The following MCU variants were observed in gnomAD, a reference collection of about 807,000 sequenced individuals.
The protein encoded by MCU is mitochondrial calcium uniporter.
Under a neutral mutation model 45.2 loss-of-function variants are expected in MCU, and 12 were observed. The ratio of observed to expected loss-of-function variants is 0.27; its 90% CI spans 0.17 to 0.43. The LOEUF is 0.43. MCU is among the 20% of genes least tolerant of loss of function. MCU has a pLI of 1.00. For synonymous variants in MCU, 160 were observed against 165.1 expected (o/e 0.97, Z 0.24); for missense variants, 324 against 436.7 (o/e 0.74, Z 2.30).
intron 2 of MCU, among the ~76,000 whole-genome samples, chr10:72,836,438 A>G (rs1311709312): frequency 6.6e-6 from 1 of 152,132 alleles, no homozygotes; most frequent in Non-Finnish European, 1.5e-5. Flanking sequence ...ATATCTATAT[A>G]TAGGCTGTGT....
intron 1 of MCU, among the ~76,000 whole-genome samples, chr10:72,817,584 A>G (rs1248663317): frequency 6.6e-6 from 1 of 152,172 alleles, no homozygotes; most frequent in African/African-American, 2.4e-5. Context: ...TCCTGTTTTT[A>G]AAGGGCTTAC....
At chr10:72,696,185 A>ATTTTT (rs1554818423) in intron 1 of MCU, among the ~76,000 whole-genome samples, 2 of 109,988 alleles carry the variant, frequency 1.8e-5, no homozygotes, top group African/African-American at 3.5e-5. Context: ...AAAAAAAAAA[A>ATTTTT]TTTTTTTTTT....
intron 1 of MCU, among the ~76,000 whole-genome samples, chr10:72,705,452 T>C: frequency 1.3e-5 from 2 of 149,654 alleles, no homozygotes; most frequent in African/African-American, 4.9e-5. Context: ...GAGGCTGAGG[T>C]GGGTGGATCA....
At chr10:72,814,398 T>C (rs760723530) in intron 1 of MCU, among the ~76,000 whole-genome samples, 6 of 152,172 alleles carry the variant, frequency 3.9e-5, no homozygotes, top group Non-Finnish European at 8.8e-5. Flanking sequence ...TTTTTTAATA[T>C]ATCTTTCATT....
intron 1 of MCU, among the ~76,000 whole-genome samples, chr10:72,819,344 A>G (rs1448679161): frequency 3.3e-5 from 5 of 152,318 alleles, no homozygotes; most frequent in East Asian, 3.9e-4. Context: ...TACAATCAAG[A>G]CACAACTTGT....
chr10:72,846,963 G>A (rs920652213), intron 2 of MCU, among the ~76,000 whole-genome samples: 2 of 152,204 alleles, frequency 1.3e-5, no homozygotes, highest in African/African-American at 2.4e-5. Flanking sequence ...AGCTTTAGAT[G>A]TCAGTGTATT....
chr10:72,828,580 C>G (rs941118284), intron 1 of MCU, among the ~76,000 whole-genome samples: 3 of 152,000 alleles, frequency 2.0e-5, no homozygotes, highest in African/African-American at 7.2e-5. Flanking sequence ...TTAGATTTGA[C>G]AATCCTCCCA....
At chr10:72,819,503 G>A (rs527769405) in intron 1 of MCU, among the ~76,000 whole-genome samples, 1 of 152,202 alleles carries the variant, frequency 6.6e-6, no homozygotes, top group African/African-American at 2.4e-5. Context: ...TATAAAGCAA[G>A]GGGAAAGTTT....
chr10:72,808,377 A>G (rs190040199), intron 1 of MCU, among the ~76,000 whole-genome samples: 1 of 152,358 alleles, frequency 6.6e-6, no homozygotes, highest in Admixed American at 6.5e-5. Context: ...ATGATTGCAG[A>G]ATCCAAAGAA....
chr10:72,722,524 T>TC (rs1564538457), intron 1 of MCU, among the ~76,000 whole-genome samples: 1 of 150,234 alleles, frequency 6.7e-6, no homozygotes, highest in Admixed American at 6.6e-5. Context: ...TTTCTTTCTT[T>TC]TTTTTTTTTT....
chr10:72,798,770 T>A (rs1844291942), intron 1 of MCU, among the ~76,000 whole-genome samples: 1 of 152,148 alleles, frequency 6.6e-6, no homozygotes, highest in Non-Finnish European at 1.5e-5. Context: ...TCTTTCAGAC[T>A]TTTCTCAGTG....
intron 6 of MCU, among the ~76,000 whole-genome samples, chr10:72,879,983 G>T (rs1415264080): frequency 6.6e-6 from 1 of 152,144 alleles, no homozygotes; most frequent in Non-Finnish European, 1.5e-5. Context: ...AGGAGGTGGA[G>T]GTTGCAATGA....
intron 1 of MCU, among the ~76,000 whole-genome samples, chr10:72,814,459 A>G (rs1371896145): frequency 1.3e-5 from 2 of 152,188 alleles, no homozygotes; most frequent in Non-Finnish European, 2.9e-5. Context: ...TTTAAAGATT[A>G]GCTCTTCTTA....
intron 1 of MCU, among the ~76,000 whole-genome samples, chr10:72,785,101 T>G (rs1844052568): frequency 6.6e-6 from 1 of 152,188 alleles, no homozygotes; most frequent in Admixed American, 6.5e-5. Context: ...CAGATGCAGT[T>G]TCATGATGTA....
chr10:72,714,650 T>C (rs1188325163), intron 1 of MCU, among the ~76,000 whole-genome samples: 1 of 152,104 alleles, frequency 6.6e-6, no homozygotes, highest in African/African-American at 2.4e-5. Flanking sequence ...GTTAAAGCAA[T>C]TCTCCTGCCT....
intron 1 of MCU, among the ~76,000 whole-genome samples, chr10:72,773,345 A>G (rs1369065766): frequency 1.3e-5 from 2 of 150,430 alleles, no homozygotes; most frequent in African/African-American, 5.0e-5. Flanking sequence ...CATTTGCTTA[A>G]CTGAAAAAAC....
chr10:72,741,062 A>G (rs1299424237), intron 1 of MCU, among the ~76,000 whole-genome samples: 1 of 151,136 alleles, frequency 6.6e-6, no homozygotes, highest in East Asian at 1.9e-4. Context: ...TAATGAGTTT[A>G]TAATTGAGTT....
intron 5 of MCU, among the ~76,000 whole-genome samples, chr10:72,869,490 A>G (rs1361156589): frequency 6.6e-6 from 1 of 152,234 alleles, no homozygotes; most frequent in Non-Finnish European, 1.5e-5. Flanking sequence ...TGGGAGGCTG[A>G]GGCACGAGAA....
rs993347319 is a variant in MCU, at chr10:72,866,399, G to A, written c.497-2304G>A. On this transcript the variant is annotated intron_variant, in intron 4 of 7. Coordinates refer to ENST00000373053, the MANE Select transcript of MCU (RefSeq NM_138357.3). ...GGATGTTTAAGAGGAATAATACTAG[G>A]GTTTTTTTGTGTTTTTTTGTTTGTT... 5.3e-5 allele frequency among the ~76,000 whole-genome samples: 8 copies of A among 151,990 alleles called. No individual in the cohort carries two copies. The South Asian group carries it at 1.5e-3, about 28-fold the overall frequency.
Sources: gnomAD v4.1 joint callset for allele counts (sites outside exome capture counted in the v4.1 genomes callset) on GRCh38, gnomAD v4.1.1 for gene constraint, MANE v1.5 for transcripts, NCBI Gene and HGNC (gene_info 2026-07-23, HGNC 2026-07-21) for gene names.